JAZF1: variants seen among roughly 807,000 people sequenced by gnomAD.
JAZF1 encodes JAZF zinc finger 1.
A neutral mutation model predicts 26.4 loss-of-function variants in JAZF1; 8 were observed. That is an observed-to-expected ratio of 0.30 (90% CI 0.18 to 0.55). The LOEUF is 0.55. Ranked by LOEUF, JAZF1 falls within the 20% of genes least tolerant of loss-of-function variation. The probability of loss-of-function intolerance (pLI) is 0.94; values close to 1 mark genes in which losing one functional copy is unlikely to be tolerated. For missense variants in JAZF1, 199 were observed against 322.0 expected (o/e 0.62, Z 2.92); for synonymous variants, 126 against 122.3 (o/e 1.03, Z -0.20).
At chr7:27,979,366 A>ATTTTTTT (rs55737757) in intron 2 of JAZF1, among the ~76,000 whole-genome samples, 3 of 58,392 alleles carry the variant, frequency 5.1e-5, no homozygotes, top group Non-Finnish European at 9.2e-5. Context: ...GGTACACTAC[A>ATTTTTTT]TTTTTTTTTT....
At chr7:28,080,744 G>A (rs975883479) in intron 1 of JAZF1, among the ~76,000 whole-genome samples, 6 of 152,238 alleles carry the variant, frequency 3.9e-5, no homozygotes, top group Middle Eastern at 3.4e-3. Flanking sequence ...TAAGTTCACC[G>A]TCTTATATGG....
Position 28,069,747 on chromosome 7 carries a change from T to G in JAZF1, c.116-77766A>C, listed in dbSNP as rs117106955. ...TTTAGCTTTAGAGTTTGGGGCGCTT[T>G]TTTCTCCTGGAGGTGCCAGGTACGG... On this transcript the variant is annotated intron_variant, in intron 1 of 4. Transcript: ENST00000283928. 7.7e-3 allele frequency among the ~76,000 whole-genome samples: 1,165 copies of G among 152,254 alleles called. 8 individuals carry two copies. Among genetic ancestry groups the G allele is most frequent in the Middle Eastern group, 0.02 (6 of 294 alleles).
chr7:27,939,201 G>A (rs956294502), intron 2 of JAZF1, among the ~76,000 whole-genome samples: 1 of 152,158 alleles, frequency 6.6e-6, no homozygotes, highest in African/African-American at 2.4e-5. Context: ...CTTTAGGAAT[G>A]GTTTTGTTAT....
chr7:28,140,928 G>C (rs1782951577), intron 1 of JAZF1, among the ~76,000 whole-genome samples: 1 of 152,140 alleles, frequency 6.6e-6, no homozygotes, highest in Admixed American at 6.5e-5. Flanking sequence ...AATATAATTT[G>C]AACTGTTATA....
intron 2 of JAZF1, among the ~76,000 whole-genome samples, chr7:27,988,428 G>A (rs1007654822): frequency 6.8e-6 from 1 of 147,616 alleles, no homozygotes; most frequent in African/African-American, 2.5e-5. Flanking sequence ...AGGCTGAAGT[G>A]CAGTGGTGCC....
chr7:27,918,751 T>A (rs1262713307), intron 2 of JAZF1, among the ~76,000 whole-genome samples: 1 of 152,026 alleles, frequency 6.6e-6, no homozygotes, highest in Non-Finnish European at 1.5e-5. Flanking sequence ...CTCTGAACAA[T>A]CTGACTATAC....
intron 1 of JAZF1, 50 bp downstream of exon 1, chr7:28,180,413 G>A (rs1343009325): frequency 2.7e-6 from 4 of 1,465,888 alleles, no homozygotes; most frequent in South Asian, 1.2e-5. Flanking sequence ...CCCCGCCCGG[G>A]CAGGAGTTTC....
chr7:27,964,852 T>C (rs558048066), intron 2 of JAZF1, among the ~76,000 whole-genome samples: 5 of 152,066 alleles, frequency 3.3e-5, no homozygotes, highest in African/African-American at 4.8e-5. Flanking sequence ...CAAACTAATC[T>C]CAATAAAAGT....
At chr7:28,004,415 G>A (rs1440318231) in intron 1 of JAZF1, among the ~76,000 whole-genome samples, 1 of 150,144 alleles carries the variant, frequency 6.7e-6, no homozygotes, top group Non-Finnish European at 1.5e-5. Context: ...AAAAAAAAAA[G>A]TCTGATGCCA....
rs188534692 is a variant in JAZF1 at position 28,043,435 on chromosome 7, C to A, written c.116-51454G>T. On this transcript the variant is annotated intron_variant, in intron 1 of 4. Coordinates refer to ENST00000283928, the MANE Select transcript of JAZF1 (RefSeq NM_175061.4). ...TGTTCCACCCACCTTACGGCCCCAACATTTTCTTGGGGGCTACTTTTTATT... is the reference window on the plus strand; with the variant it reads ...TGTTCCACCCACCTTACGGCCCCAAAATTTTCTTGGGGGCTACTTTTTATT... 2.1e-3 allele frequency among the ~76,000 whole-genome samples: 327 copies of A among 152,228 alleles called. 1 individual carries two copies. The East Asian group carries it at 0.023, about 11-fold the overall frequency.
intron 2 of JAZF1, among the ~76,000 whole-genome samples, chr7:27,944,028 A>C (rs1784889341): frequency 6.6e-6 from 1 of 152,204 alleles, no homozygotes; most frequent in South Asian, 2.1e-4. Flanking sequence ...GTCCTTCAAC[A>C]GCCATTCAAA....
intron 1 of JAZF1, among the ~76,000 whole-genome samples, chr7:28,012,816 A>G (rs1782819909): frequency 1.3e-5 from 2 of 152,254 alleles, no homozygotes; most frequent in African/African-American, 4.8e-5. Flanking sequence ...CTTCTCCTCC[A>G]TGAGTCATTT....
chr7:28,179,997 G>A (rs1783613774), intron 1 of JAZF1, among the ~76,000 whole-genome samples: 1 of 145,008 alleles, frequency 6.9e-6, no homozygotes, highest in African/African-American at 2.5e-5. Flanking sequence ...CCGGCGGCGT[G>A]CAGCGCCCGC....
chr7:28,145,863 G>C (rs1262826340), intron 1 of JAZF1, among the ~76,000 whole-genome samples: 1 of 152,120 alleles, frequency 6.6e-6, no homozygotes, highest in African/African-American at 2.4e-5. Context: ...ATTTCATAAA[G>C]TAAAATCAAA....
chr7:27,901,022 T>A (rs531295438), intron 2 of JAZF1, among the ~76,000 whole-genome samples: 1 of 151,864 alleles, frequency 6.6e-6, no homozygotes, highest in East Asian at 1.9e-4. Context: ...AAAACTATGG[T>A]TGATATTTTA....
intron 1 of JAZF1, among the ~76,000 whole-genome samples, chr7:28,179,437 C>T (rs1159213853): frequency 2.0e-5 from 3 of 152,160 alleles, no homozygotes; most frequent in Admixed American, 6.5e-5. Context: ...CCGGCGTCTC[C>T]CGGGCCCGGG....
At chr7:28,117,062 G>A (rs1784757489) in intron 1 of JAZF1, among the ~76,000 whole-genome samples, 1 of 152,100 alleles carries the variant, frequency 6.6e-6, no homozygotes, top group African/African-American at 2.4e-5. Flanking sequence ...GACCTCAGAT[G>A]ATCCACCCGC....
At chr7:28,180,042 C>T (rs1345639532) in intron 1 of JAZF1, among the ~76,000 whole-genome samples, 2 of 147,048 alleles carry the variant, frequency 1.4e-5, no homozygotes, top group Non-Finnish European at 3.0e-5. Context: ...GCTACTCCGA[C>T]CACCCGGGCC....
intron 2 of JAZF1, among the ~76,000 whole-genome samples, chr7:27,904,612 C>A (rs979209018): frequency 6.6e-6 from 1 of 152,086 alleles, no homozygotes; most frequent in Non-Finnish European, 1.5e-5. Flanking sequence ...TCTGACTTCA[C>A]GATCTGAGGC....
Sources: allele counts gnomAD v4.1 joint callset (sites outside exome capture counted in the v4.1 genomes callset), GRCh38; gene constraint gnomAD v4.1.1; transcripts MANE v1.5; gene names NCBI Gene and HGNC (gene_info 2026-07-23, HGNC 2026-07-21).